The following P4HA1 variants were observed in gnomAD, a reference collection of about 807,000 sequenced individuals.
The protein encoded by P4HA1 is prolyl 4-hydroxylase subunit alpha 1, also known as prolyl 4-hydroxylase subunit alpha-1.
P4HA1 carries 24 observed loss-of-function variants against 72.8 expected under a neutral mutation model. The ratio of observed to expected loss-of-function variants is 0.33; its 90% CI spans 0.24 to 0.46. The LOEUF (loss-of-function observed/expected upper bound fraction) is 0.46, where lower values mean the gene tolerates loss of function less well. P4HA1 is among the 20% of genes least tolerant of loss of function. P4HA1 has a pLI of 1.00. For synonymous variants in P4HA1, 201 were observed against 218.8 expected (o/e 0.92, Z 0.72); for missense variants, 446 against 640.6 (o/e 0.70, Z 3.28).
intron 1 of P4HA1, among the ~76,000 whole-genome samples, chr10:73,087,093 C>T (rs1841938633): frequency 6.6e-6 from 1 of 151,846 alleles, no homozygotes; most frequent in African/African-American, 2.4e-5. Flanking sequence ...CACTATTTGC[C>T]CTTCCAACAG....
chr10:73,056,010 G>A (rs1400826695), intron 5 of P4HA1, among the ~76,000 whole-genome samples: 1 of 152,138 alleles, frequency 6.6e-6, no homozygotes, highest in African/African-American at 2.4e-5. Context: ...CCTAATAGTG[G>A]GAGGAAGCAG....
chr10:73,011,800 C>T (rs1839916064), intron 12 of P4HA1, among the ~76,000 whole-genome samples: 1 of 151,954 alleles, frequency 6.6e-6, no homozygotes, highest in Non-Finnish European at 1.5e-5. Context: ...AAACACAGAA[C>T]ACAAAAATGT....
chr10:73,088,354 C>T (rs1841964082), intron 1 of P4HA1, among the ~76,000 whole-genome samples: 1 of 152,212 alleles, frequency 6.6e-6, no homozygotes, highest in South Asian at 2.1e-4. Flanking sequence ...AGCCCAGGTA[C>T]TCCCTCCCTT....
intron 9 of P4HA1, among the ~76,000 whole-genome samples, chr10:73,037,972 A>G (rs1314753609): frequency 6.6e-6 from 1 of 152,120 alleles, no homozygotes; most frequent in Admixed American, 6.6e-5. Context: ...TGATATATTT[A>G]AGGCCAGACA....
chr10:73,026,735 C>A (rs1028051647), intron 10 of P4HA1, among the ~76,000 whole-genome samples: 7 of 152,028 alleles, frequency 4.6e-5, no homozygotes, highest in Admixed American at 1.3e-4. Flanking sequence ...TCCAGATCTA[C>A]AAAGAACTTA....
intron 5 of P4HA1, among the ~76,000 whole-genome samples, chr10:73,067,442 A>G (rs1474488753): frequency 6.6e-6 from 1 of 152,240 alleles, no homozygotes; most frequent in Non-Finnish European, 1.5e-5. Context: ...GGACAGTTCA[A>G]TCTCTTCCAC....
At chr10:73,058,703 A>G (rs1841219628) in intron 5 of P4HA1, among the ~76,000 whole-genome samples, 1 of 152,160 alleles carries the variant, frequency 6.6e-6, no homozygotes, top group African/African-American at 2.4e-5. Context: ...GAGGATTTCT[A>G]TACATGAAGT....
At chr10:73,094,129 A>G (rs1320307044) in intron 1 of P4HA1, among the ~76,000 whole-genome samples, 2 of 152,036 alleles carry the variant, frequency 1.3e-5, no homozygotes, top group South Asian at 2.1e-4. Context: ...TACCATATAT[A>G]GGAGAGGGCA....
chr10:73,093,860 A>AAT (rs1564640866), intron 1 of P4HA1, among the ~76,000 whole-genome samples: 155 of 68,916 alleles, frequency 2.2e-3, no homozygotes, highest in African/African-American at 0.012. Flanking sequence ...AAAAAAAAAA[A>AAT]AAAAAAAAAA....
At chr10:73,094,619 G>T (rs368369113) in intron 1 of P4HA1, among the ~76,000 whole-genome samples, 5 of 152,184 alleles carry the variant, frequency 3.3e-5, no homozygotes, top group Middle Eastern at 3.2e-3. Flanking sequence ...AGAAAGGAAG[G>T]CTCACAAGCT....
chr10:73,073,530 C>T (rs1045767609), intron 3 of P4HA1, among the ~76,000 whole-genome samples: 5 of 152,120 alleles, frequency 3.3e-5, no homozygotes, highest in African/African-American at 1.2e-4. Flanking sequence ...TGGTATCTAT[C>T]CATATTCTTA....
intron 5 of P4HA1, among the ~76,000 whole-genome samples, chr10:73,059,424 TAAAAAAAAAAAAAAAAAAAAAAAAA>T (rs920360586): frequency 4.1e-5 from 1 of 24,152 alleles, no homozygotes; most frequent in Non-Finnish European, 1.0e-4. Context: ...ACAATATATT[TAAAAAAAAAAAAAAAAAAAAAAAAA>T]AAAAAAAAAA....
intron 1 of P4HA1, among the ~76,000 whole-genome samples, chr10:73,085,138 C>A (rs1422528299): frequency 6.9e-6 from 1 of 143,946 alleles, no homozygotes; most frequent in African/African-American, 2.8e-5. Context: ...GAGTCCATCT[C>A]ATTTAAAAAA....
chr10:73,059,424 TAAAAAAAAAAA>T (rs920360586), intron 5 of P4HA1, among the ~76,000 whole-genome samples: 10 of 24,178 alleles, frequency 4.1e-4, no homozygotes, highest in Admixed American at 9.9e-4. Context: ...ACAATATATT[TAAAAAAAAAAA>T]AAAAAAAAAA....
intron 1 of P4HA1, among the ~76,000 whole-genome samples, chr10:73,079,076 G>A (rs922299606): frequency 5.3e-5 from 8 of 152,160 alleles, no homozygotes; most frequent in African/African-American, 1.9e-4. Flanking sequence ...TAACAAAAGA[G>A]TAGCTAACAA....
intron 12 of P4HA1, 69 bp from the exon 13 acceptor site, chr10:73,011,106 T>G: frequency 8.8e-7 from 1 of 1,132,390 alleles, no homozygotes; most frequent in Non-Finnish European, 1.3e-6. Context: ...TTATATAGAC[T>G]TGATATTGGA....
chr10:73,095,060 T>G (rs923555495), intron 1 of P4HA1, among the ~76,000 whole-genome samples: 1 of 152,036 alleles, frequency 6.6e-6, no homozygotes, highest in African/African-American at 2.4e-5. Context: ...TAAGAAACAT[T>G]TGTCATCAGC....
At chr10:73,009,766 C>T (rs750242998) in intron 14 of P4HA1, 41 bp downstream of exon 14, 2 of 1,182,544 alleles carry the variant, frequency 1.7e-6, no homozygotes, top group Middle Eastern at 1.9e-4. Context: ...AAATAAGAAA[C>T]AAAAATTACA....
intron 12 of P4HA1, among the ~76,000 whole-genome samples, chr10:73,013,645 C>T (rs1384685754): frequency 6.6e-6 from 1 of 152,126 alleles, no homozygotes; most frequent in Non-Finnish European, 1.5e-5. Context: ...AGAACAAACA[C>T]TACAATCAAA....
Sources: allele counts gnomAD v4.1 joint callset (sites outside exome capture counted in the v4.1 genomes callset), GRCh38; gene constraint gnomAD v4.1.1; transcripts MANE v1.5; gene names NCBI Gene and HGNC (gene_info 2026-07-23, HGNC 2026-07-21).